The following PCDHGB6 variants were observed in gnomAD, a reference collection of about 807,000 sequenced individuals.
PCDHGB6 encodes the protein protocadherin gamma-B6.
Under a neutral mutation model 59.1 loss-of-function variants are expected in PCDHGB6, and 51 were observed. That is an observed-to-expected ratio of 0.86 (90% CI 0.69 to 1.09). The LOEUF (loss-of-function observed/expected upper bound fraction) is 1.09, where lower values mean the gene tolerates loss of function less well. PCDHGB6 is among the 50% of genes least tolerant of loss of function. The probability of loss-of-function intolerance (pLI) is 0.00; values close to 1 mark genes in which losing one functional copy is unlikely to be tolerated. For missense variants in PCDHGB6, 1,148 were observed against 1,205.1 expected, an observed-to-expected ratio of 0.95 and a Z score of 0.70; for synonymous variants, 466 against 495.1, an observed-to-expected ratio of 0.94 and a Z score of 0.78.
At chr5:141,469,743 A>G (rs1166798506) in intron 1 of PCDHGB6, among the ~76,000 whole-genome samples, 1 of 152,252 alleles carries the variant, frequency 6.6e-6, no homozygotes, top group Non-Finnish European at 1.5e-5. Context: ...CACCTCAAAA[A>G]TTACAAAAAT....
At position 141,409,246 on chromosome 5, in the gene PCDHGB6, C is replaced by A. The variant is rs771759898; in HGVS notation, c.1044C>A (p.Ile348=). The stretch of plus-strand genomic sequence containing the variant: ...AAAACGACAACAGCCCAGAAATAAT[C>A]ATCACTTCTCTCTCTGATCAGATTT... ...LDENDNSPEI[I]ITSLSDQILE... is the part of the protein sequence containing the mutation. Residue 348 remains isoleucine (I), a synonymous_variant, in exon 1 of 4, where the codon ATC becomes ATA. Transcript: ENST00000520790. 1.2e-6 allele frequency: 2 copies of A among 1,614,032 alleles called. No homozygotes were observed. The highest frequency in any genetic ancestry group is 3.3e-5 in the Admixed American group (2 of 60,024).
chr5:141,421,322 T>TC (rs761059925), intron 1 of PCDHGB6: 24 of 1,613,746 alleles, frequency 1.5e-5, no homozygotes, highest in Middle Eastern at 1.6e-4. Flanking sequence ...GCCAGGCAGA[T>TC]CCGATATTCG....
rs999687684 is a variant in PCDHGB6, at chr5:141,431,598, C to T, written c.2418+20978C>T. 1 of 1,614,192 alleles carries T rather than the reference C, an allele frequency of 6.2e-7. No homozygotes were observed. The highest frequency in any genetic ancestry group is 8.5e-7 in the Non-Finnish European group (1 of 1,180,046). ...GGAGTCAATGCGGAAGTGAGGTATT[C>T]CTTCCGGTATGTGGACGACAAGGCG... is the stretch of plus-strand genomic sequence containing the variant. On this transcript the variant is annotated intron_variant, in intron 1 of 3. Coordinates refer to ENST00000520790, the MANE Select transcript of PCDHGB6 (RefSeq NM_018926.3). This position sits in a 1 kb window ranked among gnomAD's most constrained non-coding sequence, Gnocchi z 4.8.
At chr5:141,478,498 G>T in intron 1 of PCDHGB6, 1 of 1,612,710 alleles carries the variant, frequency 6.2e-7, no homozygotes, top group South Asian at 1.1e-5. Context: ...GCTGTGATCC[G>T]GTGTTCTATA....
In PCDHGB6 at chr5:141,430,991, A is replaced by G. The variant is rs2097333608; in HGVS notation, c.2418+20371A>G. 2.5e-6 allele frequency: 4 copies of G among 1,613,862 alleles called. No individual in the cohort carries two copies. In the East Asian group the frequency reaches 8.9e-5, roughly 36 times the overall value. ...AGGTAGGACGCAGCTTTTCGCCCTGAATCCGCGCAGCGGCAGCTTGGTCAC... is the reference window on the plus strand; with the variant it reads ...AGGTAGGACGCAGCTTTTCGCCCTGGATCCGCGCAGCGGCAGCTTGGTCAC... On this transcript the variant is annotated intron_variant, in intron 1 of 3. Coordinates refer to ENST00000520790, the MANE Select transcript of PCDHGB6 (RefSeq NM_018926.3).
chr5:141,412,992 G>A (rs1367027301), intron 1 of PCDHGB6: 1 of 568,350 alleles, frequency 1.8e-6, no homozygotes, highest in Non-Finnish European at 3.0e-6. Flanking sequence ...AGCTCAATCC[G>A]GATTCTCAGG....
chr5:141,421,239 G>T (rs773410079), intron 1 of PCDHGB6: 5 of 1,599,000 alleles, frequency 3.1e-6, no homozygotes, highest in Middle Eastern at 3.3e-4. Flanking sequence ...TGGCGAATCG[G>T]CTACAGCGCG....
rs375537017 is a variant in PCDHGB6 at position 141,419,439 on chromosome 5, C to T, written c.2418+8819C>T. 22 of 1,613,154 alleles carry T rather than the reference C, an allele frequency of 1.4e-5. No individual in the cohort carries two copies. Among genetic ancestry groups the T allele is most frequent in the Non-Finnish European group, 1.7e-5 (20 of 1,179,788 alleles). On this transcript the variant is annotated intron_variant, in intron 1 of 3. Transcript: ENST00000520790. ...GCCTTCGACCACGAGCAGCTGCGCACCTTCGAGCTCACGCTGCAGGCCCGC... is the reference window on the plus strand; with the variant it reads ...GCCTTCGACCACGAGCAGCTGCGCATCTTCGAGCTCACGCTGCAGGCCCGC...
intron 1 of PCDHGB6, chr5:141,413,714 A>T: frequency 6.2e-7 from 1 of 1,613,586 alleles, no homozygotes; most frequent in Non-Finnish European, 8.5e-7. Flanking sequence ...AGCCCCAATA[A>T]GCACTTCTCC....
At position 141,491,672 on chromosome 5, in the gene PCDHGB6, G is replaced by A. The variant is rs754836157; in HGVS notation, c.2419-3135G>A. The A allele has an allele frequency of 9.9e-6, 16 of 1,613,494 alleles. No homozygotes were observed. The South Asian group carries it at 1.4e-4, about 14-fold the overall frequency. On this transcript the variant is annotated intron_variant, in intron 1 of 3. Transcript: ENST00000520790. This position sits in a 1 kb window ranked among gnomAD's most constrained non-coding sequence, Gnocchi z 6.9. ...CTGGAGCCTGACGCCATCCGGTCCCGCTCTAATACGCTGCGGGAGCGGAGC... is the reference window on the plus strand; with the variant it reads ...CTGGAGCCTGACGCCATCCGGTCCCACTCTAATACGCTGCGGGAGCGGAGC...
At chr5:141,464,558 A>G (rs1276921889) in intron 1 of PCDHGB6, among the ~76,000 whole-genome samples, 2 of 152,176 alleles carry the variant, frequency 1.3e-5, no homozygotes, top group Non-Finnish European at 2.9e-5. Context: ...CCCATCTTGC[A>G]TTCCTACAAA....
At chr5:141,462,302 A>C (rs2099036796) in intron 1 of PCDHGB6, among the ~76,000 whole-genome samples, 1 of 152,222 alleles carries the variant, frequency 6.6e-6, no homozygotes, top group African/African-American at 2.4e-5. Context: ...GTATTACCCA[A>C]ATATATTTGT....
At chr5:141,412,367 A>C (rs1055060515) in intron 1 of PCDHGB6, 3 of 152,264 alleles carry the variant, frequency 2.0e-5, no homozygotes, top group Admixed American at 6.5e-5. Flanking sequence ...TTACCTGCTT[A>C]ATCATTTAAA....
At chr5:141,478,163 C>T (rs779617960) in intron 1 of PCDHGB6, 1 of 1,614,028 alleles carries the variant, frequency 6.2e-7, no homozygotes, top group Non-Finnish European at 8.5e-7. Context: ...TGGCTCTGCC[C>T]CCCGGGAGCA....
intron 1 of PCDHGB6, among the ~76,000 whole-genome samples, chr5:141,474,311 G>T (rs1374954373): frequency 1.3e-5 from 2 of 152,134 alleles, no homozygotes. Context: ...AAACTTTAAT[G>T]TGTTTTCAAA....
Position 141,432,466 on chromosome 5 carries a change from G to A in PCDHGB6, c.2418+21846G>A, listed in dbSNP as rs149116648. 5.7e-4 allele frequency: 913 copies of A among 1,614,208 alleles called. 6 individuals carry two copies. In the African/African-American group the frequency reaches 0.011, roughly 19 times the overall value. On this transcript the variant is annotated intron_variant, in intron 1 of 3. Transcript: ENST00000520790. This position sits in a 1 kb window ranked among gnomAD's most constrained non-coding sequence, Gnocchi z 6.0. The stretch of plus-strand genomic sequence containing the variant: ...AGATCCTGTACCCCGCCCTCCCCAC[G>A]GACGGTTCCACTGGCGTGGAGCTGG...
Position 141,432,046 on chromosome 5 carries a change from C to G in PCDHGB6, c.2418+21426C>G, listed in dbSNP as rs1389286417. The G allele has an allele frequency of 6.2e-7, 1 of 1,614,224 alleles. No individual in the cohort carries two copies. The highest frequency in any genetic ancestry group is 2.2e-5 in the East Asian group (1 of 44,886). The stretch of plus-strand genomic sequence containing the variant: ...CAGTGACCGCCACTGACCGGGGAAC[C>G]CCGCCCCTATCCACGGAAACTCATA... On this transcript the variant is annotated intron_variant, in intron 1 of 3. Coordinates refer to ENST00000520790, the MANE Select transcript of PCDHGB6 (RefSeq NM_018926.3). This position sits in a 1 kb window ranked among gnomAD's most constrained non-coding sequence, Gnocchi z 6.0.
At chr5:141,415,701 T>C in intron 1 of PCDHGB6, 2 of 1,506,520 alleles carry the variant, frequency 1.3e-6, no homozygotes, top group Non-Finnish European at 1.8e-6. Context: ...AAAGTGTAAA[T>C]GCTAAAACAC....
chr5:141,486,148 G>A lies in PCDHGB6; in HGVS notation c.2419-8659G>A. On this transcript the variant is annotated intron_variant, in intron 1 of 3. Coordinates refer to ENST00000520790, the MANE Select transcript of PCDHGB6 (RefSeq NM_018926.3). This position sits in a 1 kb window ranked among gnomAD's most constrained non-coding sequence, Gnocchi z 5.0. ...AATTTGATGTGCGGGCTCGCGATGG[G>A]GGTTCTCCAGCCATGGAGCAACATT... 2 of 1,614,164 alleles carry A rather than the reference G, an allele frequency of 1.2e-6. No homozygotes were observed. The highest frequency in any genetic ancestry group is 1.7e-6 in the Non-Finnish European group (2 of 1,180,026).
Sources: gnomAD v4.1 joint callset for allele counts (sites outside exome capture counted in the v4.1 genomes callset) on GRCh38, gnomAD v4.1.1 for gene constraint, Gnocchi (gnomAD v3.1) non-coding constraint, MANE v1.5 for transcripts, NCBI Gene and HGNC (gene_info 2026-07-23, HGNC 2026-07-21) for gene names.